Variants in POMT2 observed in about 807,000 individuals in gnomAD.
POMT2 encodes protein O-mannosyltransferase 2.
POMT2 carries 75 observed loss-of-function variants against 100.0 expected under a neutral mutation model. The ratio of observed to expected loss-of-function variants is 0.75; its 90% CI spans 0.62 to 0.91. The LOEUF is 0.91. Ranked by LOEUF, POMT2 falls within the 40% of genes least tolerant of loss-of-function variation. The pLI is 0.00. For synonymous variants in POMT2, 378 were observed against 374.1 expected (o/e 1.01, Z -0.12); for missense variants, 940 against 955.1 (o/e 0.98, Z 0.21).
intron 6 of POMT2, 194 bp from the exon 7 acceptor site, chr14:77,299,755 A>C: frequency 3.3e-5 from 18 of 548,814 alleles, no homozygotes; most frequent in East Asian, 7.1e-5. Flanking sequence ...CAAGATAAAC[A>C]TGGGCCAGCC....
chr14:77,304,774 C>A lies in POMT2; in HGVS notation c.465G>T (p.Leu155=). 1 of 1,598,094 alleles carries A rather than the reference C, an allele frequency of 6.3e-7. No individual in the cohort carries two copies. Among genetic ancestry groups the A allele is most frequent in the South Asian group, 1.1e-5 (1 of 87,536 alleles). Reference sequence around the variant, plus strand: ...GTACAGTGAGGTAGGCAAAGGGGACCAGCCAGGAGCCAAGGAATGCACAGA... The same window carrying A: ...GTACAGTGAGGTAGGCAAAGGGGACAAGCCAGGAGCCAAGGAATGCACAGA... ...RGFCAFLGSW[L]VPFAYLTVLD... Residue 155 remains leucine (L), a synonymous_variant, in exon 4 of 21, where the codon CTG becomes CTT. Coordinates refer to ENST00000261534, the MANE Select transcript of POMT2 (RefSeq NM_013382.7).
chr14:77,303,995 T>C (rs1192838639), intron 4 of POMT2, among the ~76,000 whole-genome samples: 1 of 152,128 alleles, frequency 6.6e-6, no homozygotes, highest in Non-Finnish European at 1.5e-5. Flanking sequence ...TAACTGAAGA[T>C]GGAAATTCAA....
chr14:77,292,021 C>T (rs1242802239), intron 9 of POMT2, among the ~76,000 whole-genome samples: 3 of 152,016 alleles, frequency 2.0e-5, no homozygotes, highest in East Asian at 3.9e-4. Context: ...CAGAGCAAGA[C>T]TCTATCTTGG....
intron 9 of POMT2, among the ~76,000 whole-genome samples, chr14:77,293,557 G>A (rs1383650340): frequency 6.6e-6 from 1 of 152,028 alleles, no homozygotes; most frequent in African/African-American, 2.4e-5. Flanking sequence ...TTTTATAAAT[G>A]CTATGCTTTA....
At chr14:77,289,601 G>C (rs1890569704) in intron 10 of POMT2, among the ~76,000 whole-genome samples, 1 of 152,152 alleles carries the variant, frequency 6.6e-6, no homozygotes, top group Admixed American at 6.5e-5. Flanking sequence ...TAAGACTTTA[G>C]TAGTAATAAC....
intron 9 of POMT2, among the ~76,000 whole-genome samples, chr14:77,292,984 T>C (rs1890694503): frequency 6.6e-6 from 1 of 152,340 alleles, no homozygotes; most frequent in African/African-American, 2.4e-5. Flanking sequence ...GATGCATGAC[T>C]GTACTTACAA....
At position 77,280,418 on chromosome 14, in the gene POMT2, G is replaced by T; in HGVS notation, c.1699C>A (p.Pro567Thr). 2 of 1,614,204 alleles carry T rather than the reference G, an allele frequency of 1.2e-6. No individual in the cohort carries two copies. Among genetic ancestry groups the T allele is most frequent in the Non-Finnish European group, 8.5e-7 (1 of 1,180,046 alleles). Residue 567 changes from proline to threonine, a missense_variant, in exon 16 of 21, where the codon CCC (proline) becomes ACC (threonine). Coordinates refer to ENST00000261534, the MANE Select transcript of POMT2 (RefSeq NM_013382.7). Reference protein sequence around the residue: ...KPKDNEFTSKPWHWPINYQGL... With the variant: ...KPKDNEFTSKTWHWPINYQGL... ...TGATAGTTGATAGGCCAGTGCCAGG[G>T]TTTGGACGTGAACTCATTGTCCTTG...
At chr14:77,314,382 T>C (rs1229151069) in intron 1 of POMT2, among the ~76,000 whole-genome samples, 6 of 152,248 alleles carry the variant, frequency 3.9e-5, no homozygotes, top group Non-Finnish European at 7.3e-5. Context: ...TCCCACTTGC[T>C]GTGCCATGAG....
Position 77,301,067 on chromosome 14 carries a change from A to G in POMT2, c.816+23T>C, listed in dbSNP as rs1374558733. The G allele has an allele frequency of 1.9e-6, 3 of 1,613,808 alleles. No homozygotes were observed. In the Admixed American group the frequency reaches 5.0e-5, roughly 27 times the overall value. On this transcript the variant is annotated intron_variant, in intron 6 of 20. Transcript: ENST00000261534. ...AACATCAGGGAGCAAAAACATTTCC[A>G]CAGCAAACCCTTGGGTGCTCACCAA...
intron 4 of POMT2, 142 bp from the exon 5 acceptor site, chr14:77,303,085 T>A: frequency 2.8e-6 from 2 of 718,684 alleles, no homozygotes; most frequent in Non-Finnish European, 2.5e-6. Flanking sequence ...GAGTCAACAC[T>A]GAGTCATCAG....
At chr14:77,284,905 T>C (rs1566647013) in intron 14 of POMT2, 45 bp downstream of exon 14, 5 of 1,500,456 alleles carry the variant, frequency 3.3e-6, no homozygotes, top group East Asian at 2.3e-5. Flanking sequence ...GGGTTTCTTA[T>C]AAATGCTTCC....
At position 77,275,559 on chromosome 14, in the gene POMT2, G is replaced by A. The variant is rs1346498147; in HGVS notation, c.*1817C>T. ...CACAGACCCCTGCATTCTCCCTGCAGGAGAGCCCACCCGGCTCAGAAGAAA... is the reference window on the plus strand; with the variant it reads ...CACAGACCCCTGCATTCTCCCTGCAAGAGAGCCCACCCGGCTCAGAAGAAA... On this transcript the variant is annotated 3_prime_UTR_variant, in exon 21 of 21. Transcript: ENST00000261534. 6.6e-6 allele frequency: 1 copy of A among 152,310 alleles called. No homozygotes were observed. Among genetic ancestry groups the A allele is most frequent in the African/African-American group, 2.4e-5 (1 of 41,468 alleles). 9.4% of individuals were successfully genotyped at this position (152,310 alleles called of 1,614,324 possible).
intron 14 of POMT2, among the ~76,000 whole-genome samples, chr14:77,284,704 C>T (rs564744282): frequency 2.0e-5 from 3 of 152,124 alleles, no homozygotes; most frequent in East Asian, 3.9e-4. Context: ...CAGAGGAAGA[C>T]GAGACAGATG....
rs76350342 is a variant in POMT2, at chr14:77,288,983, G to A, written c.1184-152C>T. Reference sequence around the variant, plus strand: ...ACCAAAGAGGAAAGACCCCTAAATTGCTTCAGGGTATTAGAGAAGGGTGTC... The same window carrying A: ...ACCAAAGAGGAAAGACCCCTAAATTACTTCAGGGTATTAGAGAAGGGTGTC... On this transcript the variant is annotated intron_variant, in intron 10 of 20. Coordinates refer to ENST00000261534, the MANE Select transcript of POMT2 (RefSeq NM_013382.7). 0.012 allele frequency: 8,741 copies of A among 705,920 alleles called. 407 individuals are homozygous for A. The highest frequency in any genetic ancestry group is 0.12 in the African/African-American group (6,805 of 56,492). 43.7% of individuals were successfully genotyped at this position (705,920 alleles called of 1,614,324 possible).
At position 77,304,727 on chromosome 14, in the gene POMT2, G is replaced by T; in HGVS notation, c.512C>A (p.Ser171Ter). The T allele has an allele frequency of 1.3e-6, 2 of 1,598,540 alleles. No homozygotes were observed. The highest frequency in any genetic ancestry group is 2.3e-5 in the South Asian group (2 of 87,366). ...GAGGGCAGCTGTGAGCAGTGCTGCC[G>T]AGAGGGACTTGGACAGATCCAGTAC... ...LTVLDLSKSLSAALLTAALLT... is the reference protein window; with the variant it reads ...LTVLDLSKSL The change falls in exon 4 of 21, where the codon TCG becomes TAG. Residue 171 changes from serine (S) to a stop codon, truncating the protein, a stop_gained. Coordinates refer to ENST00000261534, the MANE Select transcript of POMT2 (RefSeq NM_013382.7). LOFTEE classifies it high-confidence loss of function.
chr14:77,317,586 T>C (rs1266789168), intron 1 of POMT2, among the ~76,000 whole-genome samples: 1 of 152,374 alleles, frequency 6.6e-6, no homozygotes, highest in East Asian at 1.9e-4. Flanking sequence ...TTTGATTCTA[T>C]GTTTTTAACC....
Position 77,278,445 on chromosome 14 carries a change from C to G in POMT2, c.2096G>C (p.Arg699Thr). 6.6e-7 allele frequency: 1 copy of G among 1,504,476 alleles called. No homozygotes were observed. The highest frequency in any genetic ancestry group is 9.1e-7 in the Non-Finnish European group (1 of 1,103,920). The allele number at this position is 1,504,476 out of a possible 1,614,324, so 93.2% of individuals were successfully genotyped here. ...CAGGATTCCCGCCACATGTATGCCCCTCGCCAGGGGCCATGAGGCCAAGCC... is the reference window on the plus strand; with the variant it reads ...CAGGATTCCCGCCACATGTATGCCCGTCGCCAGGGGCCATGAGGCCAAGCC... ...AWGLASWPLA[R>T]GIHVAGILSL... Residue 699 changes from arginine (R) to threonine (T), a missense_variant, in exon 20 of 21, where the codon AGG becomes ACG. Arg to Thr is a moderately conservative substitution (Grantham distance 71, BLOSUM62 -1). Coordinates refer to ENST00000261534, the MANE Select transcript of POMT2 (RefSeq NM_013382.7).
intron 8 of POMT2, among the ~76,000 whole-genome samples, chr14:77,297,626 A>T (rs1890878949): frequency 6.6e-6 from 1 of 152,160 alleles, no homozygotes; most frequent in South Asian, 2.1e-4. Flanking sequence ...GCACTGTGCA[A>T]AGTCCTGGAA....
intron 1 of POMT2, among the ~76,000 whole-genome samples, chr14:77,314,918 C>T (rs892729207): frequency 2.6e-5 from 4 of 152,312 alleles, no homozygotes; most frequent in African/African-American, 9.6e-5. Flanking sequence ...CTTTGTGGCT[C>T]GGAGCCACTC....
Sources: allele counts gnomAD v4.1 joint callset (sites outside exome capture counted in the v4.1 genomes callset), GRCh38; gene constraint gnomAD v4.1.1; transcripts MANE v1.5; gene names NCBI Gene and HGNC (gene_info 2026-07-23, HGNC 2026-07-21).